The following CDC7 variants were observed in gnomAD, a reference collection of about 807,000 sequenced individuals.
The protein encoded by CDC7 is cell division cycle 7-related protein kinase.
In CDC7, 34 loss-of-function variants were observed where a neutral mutation model predicts 53.5. That is an observed-to-expected ratio of 0.64 (90% CI 0.48 to 0.85). CDC7 has a LOEUF of 0.85. CDC7 is among the 40% of genes least tolerant of loss of function. CDC7 has a pLI of 0.00. For synonymous variants in CDC7, 211 were observed against 222.8 expected (o/e 0.95, Z 0.47); for missense variants, 594 against 679.7 (o/e 0.87, Z 1.40).
intron 4 of CDC7, 60 bp from the exon 5 acceptor site, chr1:91,511,537 C>A: frequency 1.9e-6 from 2 of 1,060,610 alleles, no homozygotes; most frequent in Non-Finnish European, 2.8e-6. Flanking sequence ...TAAAATTAGG[C>A]ATAAAGTTTC....
chr1:91,501,860 T>A (rs375328951), intron 2 of CDC7, 29 bp downstream of exon 2: 54 of 1,485,618 alleles, frequency 3.6e-5, no homozygotes, highest in Non-Finnish European at 4.9e-5. Flanking sequence ...AGATGTACAG[T>A]TATAAAGATT....
intron 4 of CDC7, 50 bp from the exon 5 acceptor site, chr1:91,511,547 C>T (rs766811931): frequency 1.7e-6 from 2 of 1,186,234 alleles, no homozygotes; most frequent in Admixed American, 2.1e-5. Context: ...CATAAAGTTT[C>T]AGTCCCTCTG....
chr1:91,511,472 G>T, intron 4 of CDC7, 125 bp from the exon 5 acceptor site: 1 of 594,150 alleles, frequency 1.7e-6, no homozygotes, highest in African/African-American at 1.9e-5. Context: ...ATTATGTGAT[G>T]ATGATTTAAG....
At chr1:91,516,132 T>TGGTAA (rs1442875547) in intron 10 of CDC7, among the ~76,000 whole-genome samples, 10 of 152,070 alleles carry the variant, frequency 6.6e-5, no homozygotes, top group Non-Finnish European at 8.8e-5. Context: ...ATTTACAAGA[T>TGGTAA]GATCTTACCA....
At chr1:91,523,565 TG>T (rs1463149954) in intron 11 of CDC7, among the ~76,000 whole-genome samples, 43 of 152,182 alleles carry the variant, frequency 2.8e-4, no homozygotes, top group African/African-American at 1.0e-3. Context: ...TCTCTGAGGG[TG>T]TCAAGCCTCA....
In CDC7 at chr1:91,524,411, AT is replaced by A; in HGVS notation, c.1707del (p.Phe569LeufsTer4). On this transcript the variant is annotated frameshift_variant, in exon 12 of 12. Transcript: ENST00000234626. LOFTEE classifies it high-confidence loss of function. ...CAGCAGAAGAAGCTTTGTTGCATCCATTTTTTAAAGATATGAGCTTGTGATA... is the reference window on the plus strand; with the variant it reads ...CAGCAGAAGAAGCTTTGTTGCATCCATTTTTAAAGATATGAGCTTGTGATA... ...ITAEEALLHP[F>X]FKDMSL is the part of the protein sequence containing the mutation. 6.2e-7 allele frequency: 1 copy of A among 1,608,884 alleles called. No homozygotes were observed. The highest frequency in any genetic ancestry group is 1.1e-5 in the South Asian group (1 of 90,692).
rs1432682088 is a variant in CDC7 at position 91,501,777 on chromosome 1, CGGTTTCA to C, written c.64_70del (p.Phe22LeufsTer5). The stretch of plus-strand genomic sequence containing the variant: ...AATGGCTTTTTCTCCCCAGCGTGAC[CGGTTTCA>C]GGCTGAAGGCTCTTTAAAAAAAAAC... On this transcript the variant is annotated frameshift_variant, in exon 2 of 12. Coordinates refer to ENST00000234626, the MANE Select transcript of CDC7 (RefSeq NM_003503.4). LOFTEE classifies it high-confidence loss of function. 3.7e-6 allele frequency: 6 copies of C among 1,613,770 alleles called. No individual in the cohort carries two copies. Among genetic ancestry groups the C allele is most frequent in the Non-Finnish European group, 5.1e-6 (6 of 1,179,976 alleles).
Position 91,514,040 on chromosome 1 carries a change from G to A in CDC7, c.915G>A (p.Val305=). 1 of 1,599,804 alleles carries A rather than the reference G, an allele frequency of 6.3e-7. No homozygotes were observed. Among genetic ancestry groups the A allele is most frequent in the East Asian group, 2.2e-5 (1 of 44,700 alleles). Residue 305 remains valine, a synonymous_variant, in exon 8 of 12, where the codon GTG becomes GTA. Coordinates refer to ENST00000234626, the MANE Select transcript of CDC7 (RefSeq NM_003503.4). ...HSSISHESPA[V]KLMKQSKTVD... ...CCATTTCACATGAGAGCCCTGCAGTGAAAGTAAGTAATGTAGCTTAATAGC... is the reference window on the plus strand; with the variant it reads ...CCATTTCACATGAGAGCCCTGCAGTAAAAGTAAGTAATGTAGCTTAATAGC...
At position 91,513,265 on chromosome 1, in the gene CDC7, C is replaced by T. The variant is rs1255812995; in HGVS notation, c.780C>T (p.Tyr260=). The part of the protein sequence containing the change: ...STTKASVKRP[Y]TNAQIQIKQG... Reference sequence around the variant, plus strand: ...CAAAAGCTTCTGTTAAAAGACCCTACACAAATGCACAAATTCAGATTAAAC... The same window carrying T: ...CAAAAGCTTCTGTTAAAAGACCCTATACAAATGCACAAATTCAGATTAAAC... The change falls in exon 7 of 12, where the codon TAC becomes TAT. Residue 260 remains tyrosine, a synonymous_variant. Transcript: ENST00000234626. The T allele has an allele frequency of 6.2e-7, 1 of 1,613,142 alleles. No individual in the cohort carries two copies. The highest frequency in any genetic ancestry group is 1.3e-5 in the African/African-American group (1 of 74,870).
At chr1:91,504,324 C>G (rs13447471) in intron 2 of CDC7, among the ~76,000 whole-genome samples, 1,818 of 152,184 alleles carry the variant, frequency 0.012, 15 homozygotes, top group South Asian at 0.038. Flanking sequence ...CCAGGCTGGT[C>G]TCAAACTCCT....
chr1:91,513,346 TAGAAATATACTCCTTCAACCAACAGAGGG>T, intron 7 of CDC7, 39 bp downstream of exon 7: 1 of 1,574,016 alleles, frequency 6.4e-7, no homozygotes, highest in Non-Finnish European at 8.7e-7. Flanking sequence ...GACACTGTTT[TAGAAATATACTCCTTCAACCAACAGAGGG>T]AGATAGAATA....
At chr1:91,516,525 A>G (rs1667566966) in intron 10 of CDC7, among the ~76,000 whole-genome samples, 2 of 152,192 alleles carry the variant, frequency 1.3e-5, no homozygotes, top group Non-Finnish European at 2.9e-5. Context: ...ATGATAACAA[A>G]TAAATAAATG....
Position 91,511,685 on chromosome 1 carries a change from T to G in CDC7, c.424T>G (p.Phe142Val), listed in dbSNP as rs549548896. The G allele has an allele frequency of 6.2e-7, 1 of 1,606,104 alleles. No individual in the cohort carries two copies. Among genetic ancestry groups the G allele is most frequent in the South Asian group, 1.1e-5 (1 of 90,198 alleles). ...TATGCCATATCTGGAGCATGAGTCG[T>G]TTTTGGTAGGTTTTAATATTTCTTG... The part of the protein sequence containing the change: ...IAMPYLEHES[F>V]LDILNSLSFQ... The change falls in exon 5 of 12, where the codon TTT (phenylalanine) becomes GTT (valine). Residue 142 changes from phenylalanine to valine, a missense_variant. Transcript: ENST00000234626.
In CDC7 at chr1:91,511,673, G is replaced by A. The variant is rs941854527; in HGVS notation, c.412G>A (p.Glu138Lys). ...TGTAGTTATTGCTATGCCATATCTG[G>A]AGCATGAGTCGTTTTTGGTAGGTTT... ...DHVVIAMPYL[E>K]HESFLDILNS... The change falls in exon 5 of 12, where the codon GAG becomes AAG. Residue 138 changes from glutamate (E) to lysine (K), a missense_variant. By Grantham distance (56) the Glu-to-Lys change is moderately conservative. Coordinates refer to ENST00000234626, the MANE Select transcript of CDC7 (RefSeq NM_003503.4). 2 of 1,609,368 alleles carry A rather than the reference G, an allele frequency of 1.2e-6. No individual in the cohort carries two copies. Among genetic ancestry groups the A allele is most frequent in the African/African-American group, 2.7e-5 (2 of 74,892 alleles).
At chr1:91,520,579 T>C (rs533462185) in intron 11 of CDC7, among the ~76,000 whole-genome samples, 2 of 152,372 alleles carry the variant, frequency 1.3e-5, no homozygotes, top group Admixed American at 6.5e-5. Flanking sequence ...GGTTTGACTT[T>C]TATTACATAA....
intron 8 of CDC7, 40 bp from the exon 9 acceptor site, chr1:91,514,779 A>T (rs1667469249): frequency 4.1e-6 from 6 of 1,468,536 alleles, no homozygotes; most frequent in African/African-American, 1.4e-5. Context: ...CATCATGTTT[A>T]ATATCATGAA....
intron 2 of CDC7, among the ~76,000 whole-genome samples, chr1:91,502,837 C>T (rs1181813160): frequency 6.6e-6 from 1 of 152,128 alleles, no homozygotes; most frequent in Non-Finnish European, 1.5e-5. Context: ...TTCAGTTCAT[C>T]TTGTATGTTG....
chr1:91,522,382 C>T (rs1668002881), intron 11 of CDC7, among the ~76,000 whole-genome samples: 1 of 152,130 alleles, frequency 6.6e-6, no homozygotes, highest in South Asian at 2.1e-4. Context: ...CTGTCCTCAA[C>T]CCTTAAACCT....
Position 91,502,537 on chromosome 1 carries a change from C to T in CDC7, c.115+706C>T, listed in dbSNP as rs966240227. On this transcript the variant is annotated intron_variant, in intron 2 of 11. Transcript: ENST00000234626. ...CTTGTCTAAAAGATACTTATTTTGA[C>T]CTTTTGTCCATATATTCTTTATAAC... is the stretch of plus-strand genomic sequence containing the variant. Among the ~76,000 whole-genome samples, 13 of 152,030 alleles carry T rather than the reference C, an allele frequency of 8.6e-5. No individual in the cohort carries two copies. In the South Asian group the frequency reaches 2.7e-3, roughly 32 times the overall value.
Sources: gnomAD v4.1 joint callset for allele counts (sites outside exome capture counted in the v4.1 genomes callset) on GRCh38, gnomAD v4.1.1 for gene constraint, MANE v1.5 for transcripts, NCBI Gene and HGNC (gene_info 2026-07-23, HGNC 2026-07-21) for gene names.